The following KLHDC10 variants were observed in gnomAD, a reference collection of about 807,000 sequenced individuals.
KLHDC10 encodes the protein kelch domain containing 10.
Under a neutral mutation model 56.1 loss-of-function variants are expected in KLHDC10, and 24 were observed. That is an observed-to-expected ratio of 0.43 (90% CI 0.31 to 0.60). The LOEUF is 0.60. Ranked by LOEUF, KLHDC10 falls within the 20% of genes least tolerant of loss-of-function variation. The pLI is 0.11. For synonymous variants in KLHDC10, 188 were observed against 207.1 expected (o/e 0.91, Z 0.79); for missense variants, 349 against 567.0 (o/e 0.62, Z 3.91).
rs1339010906 is a variant in KLHDC10 at position 130,133,953 on chromosome 7, A to G, written c.*3207A>G. ...CTCCTTTTTTCAGGGCCATAATGAC[A>G]TGATGTAAAAATTTGCTTTAAACCA... On this transcript the variant is annotated 3_prime_UTR_variant, in exon 10 of 10. Transcript: ENST00000335420. 4 of 152,236 alleles carry G rather than the reference A, an allele frequency of 2.6e-5. No individual in the cohort carries two copies. Among genetic ancestry groups the G allele is most frequent in the African/African-American group, 9.6e-5 (4 of 41,470 alleles). The allele number at this position is 152,236 out of a possible 1,614,324, so 9.4% of individuals were successfully genotyped here.
chr7:130,127,861 T>A (rs1796333833), intron 8 of KLHDC10, among the ~76,000 whole-genome samples: 1 of 152,230 alleles, frequency 6.6e-6, no homozygotes. Flanking sequence ...TTCTGTTCTC[T>A]CTCTGATGCC....
chr7:130,092,452 T>TG (rs1216765630), intron 1 of KLHDC10, among the ~76,000 whole-genome samples: 1 of 152,218 alleles, frequency 6.6e-6, no homozygotes, highest in Non-Finnish European at 1.5e-5. Flanking sequence ...AGCCTTGCTG[T>TG]GAGTGTTAAA....
intron 8 of KLHDC10, among the ~76,000 whole-genome samples, chr7:130,128,889 A>AAAAAAAAAAATATATTTATATATATATAT: frequency 1.5e-5 from 1 of 66,956 alleles, no homozygotes; most frequent in Non-Finnish European, 2.8e-5. Context: ...AAAAAAAAAA[A>AAAAAAAAAAATATATTTATATATATATAT]ATATATATAT....
At chr7:130,074,615 C>G (rs1001417088) in intron 1 of KLHDC10, among the ~76,000 whole-genome samples, 2 of 149,426 alleles carry the variant, frequency 1.3e-5, no homozygotes, top group African/African-American at 5.0e-5. Context: ...TCAAGGTTCT[C>G]TCTCTTTTTT....
chr7:130,083,482 T>A (rs1459389718), intron 1 of KLHDC10, among the ~76,000 whole-genome samples: 2 of 152,216 alleles, frequency 1.3e-5, no homozygotes, highest in African/African-American at 4.8e-5. Context: ...AGAGATTTTT[T>A]AAAAACTTGG....
In KLHDC10 at chr7:130,135,021, G is replaced by A. The variant is rs1015408032; in HGVS notation, c.*4275G>A. On this transcript the variant is annotated 3_prime_UTR_variant, in exon 10 of 10. Transcript: ENST00000335420. ...GACCTCTTCTCTAGTCCGGTGTTAC[G>A]AACAGAAGTTCTGAGTTGTGCTACA... 2.1e-5 allele frequency: 3 copies of A among 144,410 alleles called. No individual in the cohort carries two copies. The highest frequency in any genetic ancestry group is 7.1e-5 in the Admixed American group (1 of 14,130). The allele number at this position is 144,410 out of a possible 1,614,324, so 8.9% of individuals were successfully genotyped here.
At chr7:130,122,995 G>T (rs1796268409) in intron 5 of KLHDC10, among the ~76,000 whole-genome samples, 1 of 151,174 alleles carries the variant, frequency 6.6e-6, no homozygotes, top group South Asian at 2.1e-4. Flanking sequence ...GGATGGATGG[G>T]TGATGAATGA....
chr7:130,102,202 C>G (rs1188824931), intron 2 of KLHDC10, among the ~76,000 whole-genome samples: 2 of 152,160 alleles, frequency 1.3e-5, no homozygotes, highest in African/African-American at 4.8e-5. Context: ...TAAAGGGAAG[C>G]CTGTCTGTCA....
chr7:130,085,858 TAACA>T (rs1795682242), intron 1 of KLHDC10, among the ~76,000 whole-genome samples: 1 of 133,120 alleles, frequency 7.5e-6, no homozygotes, highest in East Asian at 2.1e-4. Flanking sequence ...AAAAAAAAAT[TAACA>T]ACAACAATAA....
At chr7:130,117,734 C>CT (rs1796186150) in intron 3 of KLHDC10, 2 of 151,638 alleles carry the variant, frequency 1.3e-5, no homozygotes, top group Admixed American at 6.6e-5. Context: ...GACTGTATTC[C>CT]CAGCTACTTG....
chr7:130,094,067 G>A (rs1354802719), intron 1 of KLHDC10, among the ~76,000 whole-genome samples: 1 of 151,974 alleles, frequency 6.6e-6, no homozygotes, highest in African/African-American at 2.4e-5. Flanking sequence ...GGGTTTACAG[G>A]CACCTGCCAC....
At chr7:130,096,843 CTT>C in intron 1 of KLHDC10, 76 bp from the exon 2 acceptor site, 1 of 1,000,626 alleles carries the variant, frequency 1.0e-6, no homozygotes, top group Non-Finnish European at 1.5e-6. Context: ...GTTTTTCTGT[CTT>C]TATAACTACA....
chr7:130,081,142 G>T (rs2116845455), intron 1 of KLHDC10, among the ~76,000 whole-genome samples: 1 of 150,434 alleles, frequency 6.6e-6, no homozygotes, highest in South Asian at 2.1e-4. Context: ...GGGAATATAG[G>T]CGCCCGCCAC....
At chr7:130,122,653 C>T (rs984656095) in intron 5 of KLHDC10, among the ~76,000 whole-genome samples, 2 of 152,140 alleles carry the variant, frequency 1.3e-5, no homozygotes, top group Non-Finnish European at 2.9e-5. Flanking sequence ...GGGCTCAAGG[C>T]ATTCTCCCAT....
Position 130,130,690 on chromosome 7 carries a change from C to T in KLHDC10, c.1273C>T (p.Arg425Ter). ...AAFPNLANLS[R>*]TQLLHLGLTQ... ...CTTCCCTAACCTTGCAAACCTCTCC[C>T]GAACACAACTTCTGCACCTTGGACT... The change falls in exon 10 of 10, where the codon CGA (arginine) becomes TGA (stop). Residue 425 changes from arginine (R) to a stop codon, truncating the protein, a stop_gained. Coordinates refer to ENST00000335420, the MANE Select transcript of KLHDC10 (RefSeq NM_014997.4). LOFTEE classifies it high-confidence loss of function. This position sits in a 1 kb window ranked among gnomAD's most constrained non-coding sequence, Gnocchi z 4.2. The T allele has an allele frequency of 6.2e-7, 1 of 1,614,096 alleles. No individual in the cohort carries two copies. The highest frequency in any genetic ancestry group is 1.7e-5 in the Admixed American group (1 of 60,004).
intron 4 of KLHDC10, among the ~76,000 whole-genome samples, 188 bp from the exon 5 acceptor site, chr7:130,121,866 G>C (rs1168494802): frequency 6.6e-6 from 1 of 152,126 alleles, no homozygotes; most frequent in Non-Finnish European, 1.5e-5. Context: ...CCTTTCTAAA[G>C]GTGTTTTCCA....
intron 1 of KLHDC10, among the ~76,000 whole-genome samples, chr7:130,086,688 C>T (rs1045046210): frequency 4.6e-5 from 7 of 152,146 alleles, no homozygotes; most frequent in African/African-American, 1.4e-4. Flanking sequence ...TCTCATGCTT[C>T]TTCATGGCTG....
intron 1 of KLHDC10, among the ~76,000 whole-genome samples, chr7:130,074,537 G>C (rs551298721): frequency 4.6e-5 from 7 of 151,888 alleles, no homozygotes; most frequent in Admixed American, 3.3e-4. Context: ...TAACACGTTA[G>C]TGTCTAGTGA....
chr7:130,101,710 C>T (rs185530841), intron 2 of KLHDC10, among the ~76,000 whole-genome samples: 1 of 152,090 alleles, frequency 6.6e-6, no homozygotes, highest in Non-Finnish European at 1.5e-5. Flanking sequence ...GCGGCTCACA[C>T]CTGTAATCCC....
Sources: gnomAD v4.1 joint callset for allele counts (sites outside exome capture counted in the v4.1 genomes callset) on GRCh38, gnomAD v4.1.1 for gene constraint, Gnocchi (gnomAD v3.1) non-coding constraint, MANE v1.5 for transcripts, NCBI Gene and HGNC (gene_info 2026-07-23, HGNC 2026-07-21) for gene names.